The following SCAPER variants were observed in gnomAD, a reference collection of about 807,000 sequenced individuals.
SCAPER encodes the protein S phase cyclin A-associated protein in the endoplasmic reticulum.
A neutral mutation model predicts 182.2 loss-of-function variants in SCAPER; 98 were observed. That is an observed-to-expected ratio of 0.54 (90% CI 0.46 to 0.64). SCAPER has a LOEUF of 0.64. SCAPER is among the 30% of genes least tolerant of loss of function. SCAPER has a pLI of 0.00. For missense variants in SCAPER, 1,432 were observed against 1,690.0 expected (o/e 0.85, Z 2.68); for synonymous variants, 605 against 564.6 (o/e 1.07, Z -1.01).
intron 8 of SCAPER, among the ~76,000 whole-genome samples, chr15:76,783,218 A>G (rs2064299272): frequency 6.6e-6 from 1 of 152,246 alleles, no homozygotes; most frequent in African/African-American, 2.4e-5. Flanking sequence ...CAGATCCCAA[A>G]GAAATACAAA....
At chr15:76,496,173 G>C (rs1282081022) in intron 24 of SCAPER, among the ~76,000 whole-genome samples, 3 of 151,782 alleles carry the variant, frequency 2.0e-5, no homozygotes, top group East Asian at 1.9e-4. Flanking sequence ...TAGGCAACTG[G>C]CTTCTAATTT....
chr15:76,545,168 G>C (rs1044019637), intron 23 of SCAPER, among the ~76,000 whole-genome samples: 9 of 152,072 alleles, frequency 5.9e-5, no homozygotes, highest in Non-Finnish European at 2.9e-5. Flanking sequence ...TCTTTAATGT[G>C]TTTGATGTAA....
intron 25 of SCAPER, among the ~76,000 whole-genome samples, chr15:76,469,235 T>C (rs2049936800): frequency 6.6e-6 from 1 of 152,216 alleles, no homozygotes; most frequent in Non-Finnish European, 1.5e-5. Context: ...CAACATAGAA[T>C]AAGCTTCATG....
intron 25 of SCAPER, among the ~76,000 whole-genome samples, chr15:76,443,541 T>C (rs1026167167): frequency 6.6e-6 from 1 of 152,202 alleles, no homozygotes; most frequent in Non-Finnish European, 1.5e-5. Flanking sequence ...ATGTTGAAGA[T>C]GAAGCCTGCA....
At chr15:76,653,287 T>C (rs2146577733) in intron 21 of SCAPER, among the ~76,000 whole-genome samples, 1 of 152,292 alleles carries the variant, frequency 6.6e-6, no homozygotes, top group South Asian at 2.1e-4. Context: ...ATGGCTATAC[T>C]GCCCAAAGCA....
At chr15:76,350,094 A>G (rs1596253419) in intron 31 of SCAPER, 1 of 152,298 alleles carries the variant, frequency 6.6e-6, no homozygotes, top group South Asian at 2.1e-4. Context: ...TTTCTCCCCA[A>G]GTATCCTCCA....
chr15:76,607,298 A>G (rs1244874807), intron 22 of SCAPER, among the ~76,000 whole-genome samples: 4 of 152,180 alleles, frequency 2.6e-5, no homozygotes, highest in Non-Finnish European at 5.9e-5. Flanking sequence ...CTGGATATGA[A>G]ATTCTGGGTT....
chr15:76,473,149 T>C (rs951111710), intron 24 of SCAPER, among the ~76,000 whole-genome samples: 13 of 152,248 alleles, frequency 8.5e-5, no homozygotes, highest in South Asian at 2.1e-4. Flanking sequence ...TTAAACAATA[T>C]GCTAAAGTTG....
intron 23 of SCAPER, among the ~76,000 whole-genome samples, chr15:76,524,224 G>A (rs960312312): frequency 3.9e-5 from 6 of 152,056 alleles, no homozygotes; most frequent in African/African-American, 1.2e-4. Context: ...AGCCATGCAC[G>A]CAACATTTCT....
chr15:76,829,854 A>T (rs1568275956), intron 5 of SCAPER, among the ~76,000 whole-genome samples: 1 of 152,196 alleles, frequency 6.6e-6, no homozygotes. Context: ...AGGGGTAAAC[A>T]ATACAGTGTT....
intron 21 of SCAPER, among the ~76,000 whole-genome samples, chr15:76,649,868 A>G (rs2054877042): frequency 6.6e-6 from 1 of 152,148 alleles, no homozygotes; most frequent in South Asian, 2.1e-4. Flanking sequence ...TAAAAACATT[A>G]AAGGAAGTTA....
At chr15:76,413,077 T>C (rs2045407113) in intron 26 of SCAPER, among the ~76,000 whole-genome samples, 1 of 152,236 alleles carries the variant, frequency 6.6e-6, no homozygotes, top group South Asian at 2.1e-4. Context: ...TATTTGTATA[T>C]TCAAACCTTG....
At chr15:76,676,287 G>C (rs995413691) in intron 20 of SCAPER, among the ~76,000 whole-genome samples, 1 of 152,106 alleles carries the variant, frequency 6.6e-6, no homozygotes, top group African/African-American at 2.4e-5. Flanking sequence ...CACTGGCTGG[G>C]ATCAGAAAAA....
chr15:76,348,786 C>T (rs1297924884), intron 31 of SCAPER, 50 bp from the exon 32 acceptor site: 5 of 1,086,692 alleles, frequency 4.6e-6, no homozygotes, highest in Middle Eastern at 2.1e-4. Flanking sequence ...GGGTTAAATT[C>T]TTTGAAGATT....
chr15:76,489,081 A>AT (rs2052007016), intron 24 of SCAPER, among the ~76,000 whole-genome samples: 1 of 150,398 alleles, frequency 6.6e-6, no homozygotes, highest in African/African-American at 2.4e-5. Context: ...TGGCACATAT[A>AT]TTCTTTTTGA....
chr15:76,366,056 TAAGAA>T (rs1360267363), intron 29 of SCAPER, among the ~76,000 whole-genome samples: 3 of 151,238 alleles, frequency 2.0e-5, no homozygotes, highest in African/African-American at 2.4e-5. Flanking sequence ...CTAGCTTATT[TAAGAA>T]AAGAGAACTG....
chr15:76,878,418 A>G (rs2073323981), intron 2 of SCAPER, among the ~76,000 whole-genome samples: 1 of 137,932 alleles, frequency 7.2e-6, no homozygotes, highest in Admixed American at 7.4e-5. Flanking sequence ...TATTTTCATG[A>G]TTTTCAGGTA....
At chr15:76,843,860 T>C (rs1430824782) in intron 4 of SCAPER, among the ~76,000 whole-genome samples, 1 of 152,134 alleles carries the variant, frequency 6.6e-6, no homozygotes, top group East Asian at 1.9e-4. Flanking sequence ...GGGCTCTACT[T>C]ACTACTGACA....
At chr15:76,636,660 C>A (rs548525423) in intron 21 of SCAPER, among the ~76,000 whole-genome samples, 58 of 152,270 alleles carry the variant, frequency 3.8e-4, no homozygotes, top group Non-Finnish European at 6.3e-4. Context: ...AGGCTGTTGT[C>A]TTCAAGGCTG....
Sources: gnomAD v4.1 joint callset for allele counts (sites outside exome capture counted in the v4.1 genomes callset) on GRCh38, gnomAD v4.1.1 for gene constraint, MANE v1.5 for transcripts, NCBI Gene and HGNC (gene_info 2026-07-23, HGNC 2026-07-21) for gene names.